The following PLS1 variants were observed in gnomAD, a reference collection of about 807,000 sequenced individuals.
The protein encoded by PLS1 is plastin 1.
A neutral mutation model predicts 73.7 loss-of-function variants in PLS1; 32 were observed. The observed-to-expected ratio is 0.43, with a 90% CI of 0.33 to 0.58. The LOEUF (loss-of-function observed/expected upper bound fraction) is 0.58. PLS1 is among the 20% of genes least tolerant of loss of function. The pLI, the probability that PLS1 is intolerant of heterozygous loss-of-function variation, is 0.04. For synonymous variants in PLS1, 217 were observed against 261.3 expected (o/e 0.83, Z 1.63); for missense variants, 633 against 740.5 (o/e 0.85, Z 1.68).
intron 1 of PLS1, among the ~76,000 whole-genome samples, chr3:142,612,001 G>A (rs1318764541): frequency 6.6e-6 from 1 of 152,144 alleles, no homozygotes; most frequent in Non-Finnish European, 1.5e-5. Context: ...TCTAAAACCA[G>A]CGCTCTCAAT....
At chr3:142,658,588 ATGTT>A (rs2037294383) in intron 1 of PLS1, among the ~76,000 whole-genome samples, 1 of 152,082 alleles carries the variant, frequency 6.6e-6, no homozygotes, top group African/African-American at 2.4e-5. Context: ...ATTCTCATGT[ATGTT>A]TAAGTTTTAC....
chr3:142,645,869 G>T (rs2036942900), intron 1 of PLS1, among the ~76,000 whole-genome samples: 1 of 152,114 alleles, frequency 6.6e-6, no homozygotes, highest in African/African-American at 2.4e-5. Context: ...TCATAAGACA[G>T]GTCACATTCT....
chr3:142,641,221 G>T (rs889496512), intron 1 of PLS1, among the ~76,000 whole-genome samples: 16 of 136,204 alleles, frequency 1.2e-4, no homozygotes, highest in African/African-American at 2.7e-4. Flanking sequence ...ATTATATATA[G>T]ATATATATAA....
chr3:142,631,867 T>C (rs573857046), intron 1 of PLS1, among the ~76,000 whole-genome samples: 11 of 152,096 alleles, frequency 7.2e-5, no homozygotes, highest in Admixed American at 2.6e-4. Flanking sequence ...TATAGACACA[T>C]GGGACTTCAT....
intron 3 of PLS1, among the ~76,000 whole-genome samples, chr3:142,669,852 A>G (rs1484020894): frequency 2.0e-5 from 3 of 152,234 alleles, no homozygotes; most frequent in African/African-American, 7.2e-5. Context: ...ATATAATTGA[A>G]TAAATATTTA....
intron 1 of PLS1, among the ~76,000 whole-genome samples, chr3:142,628,453 T>C (rs983457005): frequency 1.3e-5 from 2 of 149,132 alleles, no homozygotes; most frequent in Non-Finnish European, 1.5e-5. Flanking sequence ...AATATTATTT[T>C]TATTCTCATT....
At chr3:142,701,256 C>T (rs2107946631) in intron 12 of PLS1, among the ~76,000 whole-genome samples, 1 of 152,302 alleles carries the variant, frequency 6.6e-6, no homozygotes, top group Non-Finnish European at 1.5e-5. Flanking sequence ...TATTTACACC[C>T]TCAGGGAGCA....
chr3:142,673,832 C>G (rs1300015439), intron 4 of PLS1: 1 of 152,048 alleles, frequency 6.6e-6, no homozygotes, highest in East Asian at 1.9e-4. Context: ...CAAACAAGCT[C>G]TCAAGGTCCA....
At chr3:142,697,883 G>A in intron 11 of PLS1, 70 bp from the exon 12 acceptor site, 1 of 796,968 alleles carries the variant, frequency 1.3e-6, no homozygotes. Flanking sequence ...TCTATCTCCA[G>A]TGTACTTAAT....
chr3:142,673,813 T>G (rs923212076), intron 4 of PLS1: 2 of 152,208 alleles, frequency 1.3e-5, no homozygotes, highest in Non-Finnish European at 2.9e-5. Flanking sequence ...ACTCCCCTGC[T>G]AGAACTTCCA....
intron 1 of PLS1, among the ~76,000 whole-genome samples, chr3:142,658,726 CAG>C (rs1379038282): frequency 6.6e-6 from 1 of 152,048 alleles, no homozygotes; most frequent in African/African-American, 2.4e-5. Context: ...TTTTGAGAAA[CAG>C]ATGTGATTCA....
intron 6 of PLS1, among the ~76,000 whole-genome samples, chr3:142,679,968 T>C (rs1475212210): frequency 6.6e-6 from 1 of 152,066 alleles, no homozygotes; most frequent in Non-Finnish European, 1.5e-5. Flanking sequence ...GGTTTGTAGT[T>C]CTCCTTGAAG....
intron 1 of PLS1, among the ~76,000 whole-genome samples, chr3:142,621,947 C>T (rs1007866367): frequency 1.3e-5 from 2 of 152,136 alleles, no homozygotes; most frequent in African/African-American, 4.8e-5. Flanking sequence ...ACATTAATGC[C>T]ACCGCATCCA....
intron 9 of PLS1, among the ~76,000 whole-genome samples, chr3:142,689,209 G>A (rs6440103): frequency 0.019 from 2,848 of 152,068 alleles, 90 homozygotes; most frequent in African/African-American, 0.065. Flanking sequence ...CGAGGTGGGC[G>A]GATCAGGAGT....
At chr3:142,680,078 C>G (rs886849062) in intron 6 of PLS1, among the ~76,000 whole-genome samples, 1 of 152,156 alleles carries the variant, frequency 6.6e-6, no homozygotes, top group African/African-American at 2.4e-5. Context: ...CTCTGTTTGT[C>G]TGTTATAAAA....
chr3:142,628,703 A>C (rs1045764759), intron 1 of PLS1, among the ~76,000 whole-genome samples: 2 of 152,178 alleles, frequency 1.3e-5, no homozygotes, highest in African/African-American at 2.4e-5. Context: ...TTTCAAACTT[A>C]TTTCTTTCTT....
At chr3:142,637,557 C>A (rs2036721216) in intron 1 of PLS1, among the ~76,000 whole-genome samples, 1 of 152,072 alleles carries the variant, frequency 6.6e-6, no homozygotes, top group Non-Finnish European at 1.5e-5. Flanking sequence ...TATTAAAAAT[C>A]AATTTATAGT....
intron 14 of PLS1, 56 bp from the exon 15 acceptor site, chr3:142,711,442 AAAT>A: frequency 7.6e-7 from 1 of 1,310,454 alleles, no homozygotes; most frequent in Non-Finnish European, 1.1e-6. Flanking sequence ...AAGAGTCTGA[AAAT>A]AATGAAAATT....
intron 12 of PLS1, among the ~76,000 whole-genome samples, chr3:142,701,730 A>G (rs1396688383): frequency 3.3e-5 from 5 of 152,146 alleles, no homozygotes; most frequent in Non-Finnish European, 5.9e-5. Context: ...CTCCTTTCTC[A>G]CCATCATCTC....
Sources: allele counts gnomAD v4.1 joint callset (sites outside exome capture counted in the v4.1 genomes callset), GRCh38; gene constraint gnomAD v4.1.1; transcripts MANE v1.5; gene names NCBI Gene and HGNC (gene_info 2026-07-23, HGNC 2026-07-21).